Variants in NAPA observed in about 807,000 individuals in gnomAD.
NAPA encodes alpha-soluble NSF attachment protein.
Under a neutral mutation model 48.0 loss-of-function variants are expected in NAPA, and 18 were observed. That is an observed-to-expected ratio of 0.38 (90% CI 0.26 to 0.56). The LOEUF (loss-of-function observed/expected upper bound fraction) is 0.56, where lower values mean the gene tolerates loss of function less well. Among genes scored for constraint, NAPA ranks in the 20% least tolerant of loss-of-function variants. The pLI is 0.77. For synonymous variants in NAPA, 152 were observed against 149.9 expected, an observed-to-expected ratio of 1.01 and a Z score of -0.10; for missense variants, 315 against 385.0, an observed-to-expected ratio of 0.82 and a Z score of 1.52.
intron 4 of NAPA, chr19:47,495,340 G>A: frequency 3.2e-6 from 2 of 619,448 alleles, no homozygotes; most frequent in Non-Finnish European, 5.7e-6. Flanking sequence ...CCTGTGGAGT[G>A]AGGGGGCCGT....
Position 47,488,597 on chromosome 19 carries a change from G to A in NAPA, c.787-208C>T, listed in dbSNP as rs1968147559. 7.5e-6 allele frequency: 3 copies of A among 398,228 alleles called. No homozygotes were observed. The Admixed American group carries it at 1.2e-4, about 16-fold the overall frequency. 24.7% of individuals were successfully genotyped at this position (398,228 alleles called of 1,614,324 possible). On this transcript the variant is annotated intron_variant, in intron 10 of 10. Coordinates refer to ENST00000263354, the MANE Select transcript of NAPA (RefSeq NM_003827.4). The stretch of plus-strand genomic sequence containing the variant: ...TGCTGGGCACATCATTTCCCTTGGG[G>A]GAGAAAGATATTGTAGCTTTAAAAA...
downstream of NAPA, among the ~76,000 whole-genome samples, chr19:47,484,701 T>G (rs937815931): frequency 1.3e-5 from 2 of 149,390 alleles, no homozygotes. Context: ...ACTCCACAGT[T>G]CACTATTTTT....
rs765090817 is a variant in NAPA, at chr19:47,514,851, G to A, written c.90C>T (p.Gly30=). ...KVKNSQSFFS[G]LFGGSSKIEE... is the part of the protein sequence containing the mutation. ...CTCAGCCCGGTTCTCACCCAAAGAG[G>A]CCAGAGAAGAAGGACTGCGAGTTCT... Residue 30 remains glycine (G), a synonymous_variant, in exon 1 of 11, where the codon GGC becomes GGT. Coordinates refer to ENST00000263354, the MANE Select transcript of NAPA (RefSeq NM_003827.4). 11 of 1,613,848 alleles carry A rather than the reference G, an allele frequency of 6.8e-6. No individual in the cohort carries two copies. Among genetic ancestry groups the A allele is most frequent in the Admixed American group, 6.7e-5 (4 of 59,990 alleles).
In NAPA at chr19:47,493,348, T is replaced by C; in HGVS notation, c.420+68A>G. ...GCACTCAGACACCAGAGGACTCCCC[T>C]GGTGGGAAGAAGAGAGAGCAGCACT... On this transcript the variant is annotated intron_variant, in intron 5 of 10. Coordinates refer to ENST00000263354, the MANE Select transcript of NAPA (RefSeq NM_003827.4). The surrounding 1 kb of genome is among the most constrained non-coding windows in gnomAD (Gnocchi z 6.4). 6.3e-7 allele frequency: 1 copy of C among 1,576,126 alleles called. No individual in the cohort carries two copies. Among genetic ancestry groups the C allele is most frequent in the Admixed American group, 1.7e-5 (1 of 59,836 alleles).
In NAPA at chr19:47,488,018, C is replaced by A. The variant is rs904092604; in HGVS notation, c.*270G>T. On this transcript the variant is annotated 3_prime_UTR_variant, in exon 11 of 11. Transcript: ENST00000263354. ...AGCAAATAGGTCTGTATCAAAGATT[C>A]TGTACAGCTGGTTTTGGGGGTGAAG... 62 of 360,034 alleles carry A rather than the reference C, an allele frequency of 1.7e-4. 1 individual carries two copies. Among genetic ancestry groups the A allele is most frequent in the African/African-American group, 1.2e-3 (59 of 48,136 alleles). The allele number at this position is 360,034 out of a possible 1,614,324, so 22.3% of individuals were successfully genotyped here.
At chr19:47,501,561 C>G (rs547927222) in intron 2 of NAPA, 1 of 152,278 alleles carries the variant, frequency 6.6e-6, no homozygotes, top group African/African-American at 2.4e-5. Context: ...GAGAGGGAAA[C>G]AGGATGTGGA....
Position 47,490,183 on chromosome 19 carries a change from AGTGTGTGTGCAATGT to A in NAPA, c.736-437_736-423del, listed in dbSNP as rs1968206323. Among the ~76,000 whole-genome samples, 5 of 103,466 alleles carry A rather than the reference AGTGTGTGTGCAATGT, an allele frequency of 4.8e-5. No individual in the cohort carries two copies. The South Asian group carries it at 1.6e-3, about 33-fold the overall frequency. 67.9% of individuals were successfully genotyped at this position (103,466 alleles called of 152,430 possible). On this transcript the variant is annotated intron_variant, in intron 9 of 10. Transcript: ENST00000263354. Reference sequence around the variant, plus strand: ...TGTGTGGGGTGTGTGTGGTGTGTGTAGTGTGTGTGCAATGTGTGTGTGTGGGGTGTGTCATGTGTG... The same window carrying A: ...TGTGTGGGGTGTGTGTGGTGTGTGTAGTGTGTGTGGGGTGTGTCATGTGTG...
At chr19:47,491,927 C>T (rs371236577) in intron 8 of NAPA, 88 bp downstream of exon 8, 45 of 1,169,674 alleles carry the variant, frequency 3.8e-5, no homozygotes, top group African/African-American at 1.7e-4. Context: ...GGGAGGAGCA[C>T]GTCCCTCTTC....
intron 1 of NAPA, among the ~76,000 whole-genome samples, chr19:47,510,712 C>G (rs946185455): frequency 6.6e-6 from 1 of 152,196 alleles, no homozygotes; most frequent in Admixed American, 6.5e-5. Flanking sequence ...GATCCCCAAA[C>G]GGCACAGCAG....
intron 1 of NAPA, among the ~76,000 whole-genome samples, 164 bp from the exon 2 acceptor site, chr19:47,503,666 A>AT (rs1490752599): frequency 6.6e-6 from 1 of 152,172 alleles, no homozygotes; most frequent in East Asian, 1.9e-4. Flanking sequence ...CCGCCCCTGC[A>AT]TACAATGGCA....
In NAPA at chr19:47,514,891, G is replaced by T; in HGVS notation, c.50C>A (p.Ala17Glu). The change falls in exon 1 of 11, where the codon GCG becomes GAG. Residue 17 changes from alanine to glutamate, a missense_variant. Physicochemically the swap from Ala to Glu is moderately radical, Grantham distance 107. Coordinates refer to ENST00000263354, the MANE Select transcript of NAPA (RefSeq NM_003827.4). ...CTGCGAGTTCTTCACTTTGCGCTCCGCCTCGGCCAACAGCGCCATCGCCTC... is the reference window on the plus strand; with the variant it reads ...CTGCGAGTTCTTCACTTTGCGCTCCTCCTCGGCCAACAGCGCCATCGCCTC... ...EAEAMALLAEAERKVKNSQSF... is the reference protein window; with the variant it reads ...EAEAMALLAEEERKVKNSQSF... 1 of 1,613,994 alleles carries T rather than the reference G, an allele frequency of 6.2e-7. No homozygotes were observed. Among genetic ancestry groups the T allele is most frequent in the Non-Finnish European group, 8.5e-7 (1 of 1,180,014 alleles).
rs1968693825 is a variant in NAPA at position 47,506,364 on chromosome 19, T to G, written c.99-2862A>C. On this transcript the variant is annotated intron_variant, in intron 1 of 10. Coordinates refer to ENST00000263354, the MANE Select transcript of NAPA (RefSeq NM_003827.4). This position sits in a 1 kb window ranked among gnomAD's most constrained non-coding sequence, Gnocchi z 4.0. ...TAAGAAACTTTCAAAACCTTCTGGC[T>G]GAGAATCCTGAAGGGTCCTTTGGGG... is the stretch of plus-strand genomic sequence containing the variant. Among the ~76,000 whole-genome samples the G allele has an allele frequency of 6.6e-6, 1 of 152,158 alleles. No homozygotes were observed. The highest frequency in any genetic ancestry group is 2.4e-5 in the African/African-American group (1 of 41,418).
chr19:47,501,884 GA>G (rs1419819892), intron 2 of NAPA, among the ~76,000 whole-genome samples: 2 of 152,098 alleles, frequency 1.3e-5, no homozygotes, highest in Non-Finnish European at 2.9e-5. Context: ...TTGAGCAGCA[GA>G]AAAGACAAAG....
chr19:47,508,035 A>G (rs1968727310), intron 1 of NAPA, among the ~76,000 whole-genome samples: 1 of 152,024 alleles, frequency 6.6e-6, no homozygotes, highest in African/African-American at 2.4e-5. Context: ...CCTCCTCTAG[A>G]TTAAAGAAGC....
At chr19:47,510,341 T>G (rs1968782593) in intron 1 of NAPA, among the ~76,000 whole-genome samples, 1 of 152,238 alleles carries the variant, frequency 6.6e-6, no homozygotes, top group Admixed American at 6.5e-5. Flanking sequence ...AGATCTGATC[T>G]TAGGAATGCA....
chr19:47,488,418 C>T, intron 10 of NAPA, 29 bp from the exon 11 acceptor site: 2 of 1,575,966 alleles, frequency 1.3e-6, no homozygotes, highest in Non-Finnish European at 1.7e-6. Context: ...ATAGGCTGGC[C>T]ATGCTCCCCC....
chr19:47,512,238 G>A (rs151333185), intron 1 of NAPA, among the ~76,000 whole-genome samples: 9 of 152,068 alleles, frequency 5.9e-5, no homozygotes, highest in African/African-American at 2.4e-5. Flanking sequence ...AGAACCTCCC[G>A]TCACGGTAGA....
At position 47,506,068 on chromosome 19, in the gene NAPA, G is replaced by A. The variant is rs1403122583; in HGVS notation, c.99-2566C>T. Reference sequence around the variant, plus strand: ...GCTGGAGTACAGTGGCACGATCTCAGCTTACTGCAACCTCCAACTCCCGGG... The same window carrying A: ...GCTGGAGTACAGTGGCACGATCTCAACTTACTGCAACCTCCAACTCCCGGG... On this transcript the variant is annotated intron_variant, in intron 1 of 10. Transcript: ENST00000263354. This position sits in a 1 kb window ranked among gnomAD's most constrained non-coding sequence, Gnocchi z 4.0. Among the ~76,000 whole-genome samples the A allele has an allele frequency of 6.7e-6, 1 of 148,618 alleles. No individual in the cohort carries two copies. Among genetic ancestry groups the A allele is most frequent in the Non-Finnish European group, 1.5e-5 (1 of 67,672 alleles).
Position 47,493,340 on chromosome 19 carries a change from G to T in NAPA, c.420+76C>A. The T allele has an allele frequency of 6.4e-7, 1 of 1,555,588 alleles. No homozygotes were observed. Among genetic ancestry groups the T allele is most frequent in the Non-Finnish European group, 8.8e-7 (1 of 1,130,336 alleles). Reference sequence around the variant, plus strand: ...CCTTCTCGGCACTCAGACACCAGAGGACTCCCCTGGTGGGAAGAAGAGAGA... The same window carrying T: ...CCTTCTCGGCACTCAGACACCAGAGTACTCCCCTGGTGGGAAGAAGAGAGA... On this transcript the variant is annotated intron_variant, in intron 5 of 10. Transcript: ENST00000263354. The surrounding 1 kb of genome is among the most constrained non-coding windows in gnomAD (Gnocchi z 6.4).
Sources: allele counts gnomAD v4.1 joint callset (sites outside exome capture counted in the v4.1 genomes callset), GRCh38; gene constraint gnomAD v4.1.1; non-coding constraint Gnocchi (gnomAD v3.1); transcripts MANE v1.5; gene names NCBI Gene and HGNC (gene_info 2026-07-23, HGNC 2026-07-21).